LRMDA: variants seen among roughly 807,000 people sequenced by gnomAD.
LRMDA encodes leucine-rich melanocyte differentiation-associated protein.
Under a neutral mutation model 29.8 loss-of-function variants are expected in LRMDA, and 18 were observed. The observed-to-expected ratio is 0.60, with a 90% CI of 0.42 to 0.90. The LOEUF (loss-of-function observed/expected upper bound fraction) is 0.90, where lower values mean the gene tolerates loss of function less well. Among genes scored for constraint, LRMDA ranks in the 40% least tolerant of loss-of-function variants. The pLI, the probability that LRMDA is intolerant of heterozygous loss-of-function variation, is 0.00. For missense variants in LRMDA, 273 were observed against 273.9 expected (o/e 1.00, Z 0.02); for synonymous variants, 125 against 109.4 (o/e 1.14, Z -0.89).
At chr10:75,690,996 C>T (rs200276223) in intron 2 of LRMDA, among the ~76,000 whole-genome samples, 165 of 90,214 alleles carry the variant, frequency 1.8e-3, no homozygotes, top group African/African-American at 6.3e-3. Context: ...TATATATATA[C>T]ACACACACAC....
At chr10:75,570,085 C>T (rs1056908775) in intron 2 of LRMDA, among the ~76,000 whole-genome samples, 2 of 152,118 alleles carry the variant, frequency 1.3e-5, no homozygotes, top group Non-Finnish European at 2.9e-5. Context: ...GCACTCATGG[C>T]CCAATAGCTG....
intron 5 of LRMDA, among the ~76,000 whole-genome samples, chr10:76,228,247 C>T (rs1365207083): frequency 1.3e-5 from 2 of 152,082 alleles, no homozygotes; most frequent in East Asian, 3.9e-4. Flanking sequence ...GTCTCCATCT[C>T]TTGACCTTGT....
At chr10:76,068,711 G>C (rs1848827349) in intron 5 of LRMDA, among the ~76,000 whole-genome samples, 1 of 152,134 alleles carries the variant, frequency 6.6e-6, no homozygotes, top group Non-Finnish European at 1.5e-5. Context: ...CCTGCCTTAG[G>C]GTGTCCAACC....
chr10:76,458,359 G>T (rs1395164654), intron 6 of LRMDA, among the ~76,000 whole-genome samples: 1 of 152,108 alleles, frequency 6.6e-6, no homozygotes, highest in African/African-American at 2.4e-5. Context: ...AGAATGTGCT[G>T]TTATTTTTTA....
chr10:76,104,912 C>T lies in LRMDA; in HGVS notation c.516+46129C>T, dbSNP rs554844794. On this transcript the variant is annotated intron_variant, in intron 5 of 6. Transcript: ENST00000611255. The stretch of plus-strand genomic sequence containing the variant: ...TGTCCCAACCATACTGGCTCCATTG[C>T]TGTTTCTAGAATGTACAAAGCAAGC... 6.6e-5 allele frequency among the ~76,000 whole-genome samples: 10 copies of T among 152,268 alleles called. No homozygotes were observed. In the East Asian group the frequency reaches 1.7e-3, roughly 27 times the overall value.
Position 76,557,428 on chromosome 10 carries a change from T to G in LRMDA, c.*140T>G, listed in dbSNP as rs1589236807. The G allele has an allele frequency of 1.8e-5, 12 of 680,252 alleles. No homozygotes were observed. In the East Asian group the frequency reaches 3.0e-4, roughly 17 times the overall value. 42.1% of individuals were successfully genotyped at this position (680,252 alleles called of 1,614,324 possible). On this transcript the variant is annotated 3_prime_UTR_variant, in exon 7 of 7. Transcript: ENST00000611255. The stretch of plus-strand genomic sequence containing the variant: ...AGCTATGACTTCAGCTTTTGGTACC[T>G]TCCGCTGACTTTGCCAGGCCTGTCA...
At chr10:76,431,408 A>G (rs1236414796) in intron 6 of LRMDA, among the ~76,000 whole-genome samples, 1 of 152,196 alleles carries the variant, frequency 6.6e-6, no homozygotes, top group East Asian at 1.9e-4. Context: ...GGGTGACGAC[A>G]GTGTTAAAAG....
At chr10:75,968,091 G>T (rs1434317118) in intron 2 of LRMDA, among the ~76,000 whole-genome samples, 1 of 152,072 alleles carries the variant, frequency 6.6e-6, no homozygotes, top group East Asian at 1.9e-4. Context: ...GAGGGGGCTT[G>T]TTGGCTCTGC....
intron 5 of LRMDA, among the ~76,000 whole-genome samples, chr10:76,236,291 CA>C (rs1852150628): frequency 6.6e-6 from 1 of 152,162 alleles, no homozygotes; most frequent in African/African-American, 2.4e-5. Flanking sequence ...CAGGTAACAC[CA>C]GATCCTGACT....
intron 5 of LRMDA, among the ~76,000 whole-genome samples, chr10:76,103,181 T>G (rs190741505): frequency 6.6e-6 from 1 of 152,192 alleles, no homozygotes; most frequent in African/African-American, 2.4e-5. Flanking sequence ...GTAGGAACCT[T>G]TGTAGCTTCT....
intron 2 of LRMDA, among the ~76,000 whole-genome samples, chr10:75,556,630 C>T (rs1106436): frequency 0.63 from 95,707 of 151,960 alleles, 32,401 homozygotes; most frequent in East Asian, 0.85. Flanking sequence ...AAAAAATCTA[C>T]ATGGCTATTT....
intron 6 of LRMDA, among the ~76,000 whole-genome samples, chr10:76,408,527 CA>C (rs1396256805): frequency 1.3e-5 from 2 of 152,090 alleles, no homozygotes; most frequent in Admixed American, 1.3e-4. Context: ...AATATTTAAC[CA>C]AAAACCAGAC....
At position 76,167,552 on chromosome 10, in the gene LRMDA, C is replaced by A. The variant is rs11001654; in HGVS notation, c.516+108769C>A. 6.8e-3 allele frequency among the ~76,000 whole-genome samples: 1,032 copies of A among 152,260 alleles called. 10 individuals carry two copies. Among genetic ancestry groups the A allele is most frequent in the African/African-American group, 0.023 (955 of 41,546 alleles). ...TTGTTTTGTCCAATTTGTCAAAGAT[C>A]AGATAGTTGTAGATATGTGGCCTTG... On this transcript the variant is annotated intron_variant, in intron 5 of 6. Transcript: ENST00000611255.
chr10:76,127,353 C>T (rs1272743743), intron 5 of LRMDA, among the ~76,000 whole-genome samples: 3 of 152,298 alleles, frequency 2.0e-5, no homozygotes, highest in Admixed American at 1.3e-4. Context: ...AGCAACTTGG[C>T]GTATTCACCC....
intron 5 of LRMDA, among the ~76,000 whole-genome samples, chr10:76,104,716 C>T (rs1239624238): frequency 6.6e-6 from 1 of 152,110 alleles, no homozygotes; most frequent in Admixed American, 6.5e-5. Context: ...TTGCCAGGGT[C>T]ATGACAATGG....
chr10:75,895,208 A>G (rs1845562376), intron 2 of LRMDA, among the ~76,000 whole-genome samples: 1 of 152,218 alleles, frequency 6.6e-6, no homozygotes, highest in Non-Finnish European at 1.5e-5. Flanking sequence ...TGAGCCAACA[A>G]ACAACATGGG....
rs116096260 is a variant in LRMDA at position 75,653,376 on chromosome 10, T to G, written c.131+214882T>G. 3.5e-3 allele frequency among the ~76,000 whole-genome samples: 534 copies of G among 152,310 alleles called. 2 individuals are homozygous for G. Among genetic ancestry groups the G allele is most frequent in the African/African-American group, 0.012 (498 of 41,558 alleles). Reference sequence around the variant, plus strand: ...GGTGATGGGTGAGGGTCTGGTCTCTTGAAGGAAAAGTCAAAATTTTCAGTT... The same window carrying G: ...GGTGATGGGTGAGGGTCTGGTCTCTGGAAGGAAAAGTCAAAATTTTCAGTT... On this transcript the variant is annotated intron_variant, in intron 2 of 6. Transcript: ENST00000611255.
At chr10:75,821,067 C>A (rs77195432) in intron 2 of LRMDA, among the ~76,000 whole-genome samples, 1,763 of 152,240 alleles carry the variant, frequency 0.012, 21 homozygotes, top group Middle Eastern at 0.071. Flanking sequence ...GGGTTCATAG[C>A]CGAATTTTAC....
intron 6 of LRMDA, among the ~76,000 whole-genome samples, chr10:76,478,474 T>C (rs1410065259): frequency 6.6e-6 from 1 of 152,172 alleles, no homozygotes; most frequent in Non-Finnish European, 1.5e-5. Context: ...TCAACCATTG[T>C]GGAAGTCAGT....
Sources: allele counts gnomAD v4.1 joint callset (sites outside exome capture counted in the v4.1 genomes callset), GRCh38; gene constraint gnomAD v4.1.1; transcripts MANE v1.5; gene names NCBI Gene and HGNC (gene_info 2026-07-23, HGNC 2026-07-21).